The following ST8SIA5 variants were observed in gnomAD, a reference collection of about 807,000 sequenced individuals.
ST8SIA5 encodes ST8 alpha-N-acetyl-neuraminide alpha-2,8-sialyltransferase 5.
Under a neutral mutation model 40.2 loss-of-function variants are expected in ST8SIA5, and 24 were observed. That is an observed-to-expected ratio of 0.60 (90% CI 0.43 to 0.84). The LOEUF (loss-of-function observed/expected upper bound fraction) is 0.84, where lower values mean the gene tolerates loss of function less well. Ranked by LOEUF, ST8SIA5 falls within the 40% of genes least tolerant of loss-of-function variation. ST8SIA5 has a pLI of 0.00. For synonymous variants in ST8SIA5, 198 were observed against 201.8 expected, an observed-to-expected ratio of 0.98 and a Z score of 0.16; for missense variants, 465 against 498.5, an observed-to-expected ratio of 0.93 and a Z score of 0.64.
At chr18:46,702,162 A>AC (rs2039624628) in intron 2 of ST8SIA5, among the ~76,000 whole-genome samples, 2 of 151,246 alleles carry the variant, frequency 1.3e-5, no homozygotes, top group Non-Finnish European at 2.9e-5. Context: ...AAAAAAAAAA[A>AC]CAGAAATTAG....
intron 2 of ST8SIA5, among the ~76,000 whole-genome samples, chr18:46,695,839 C>A (rs1423216126): frequency 6.6e-6 from 1 of 152,222 alleles, no homozygotes; most frequent in African/African-American, 2.4e-5. Context: ...AATCAAGTCT[C>A]ACTATTTGTT....
intron 1 of ST8SIA5, among the ~76,000 whole-genome samples, chr18:46,726,045 A>C (rs2039926160): frequency 7.9e-6 from 1 of 127,112 alleles, no homozygotes; most frequent in South Asian, 2.6e-4. Context: ...ATATATATAT[A>C]TATCCAGGAA....
At chr18:46,751,940 C>T (rs758835167) in intron 1 of ST8SIA5, among the ~76,000 whole-genome samples, 2 of 152,140 alleles carry the variant, frequency 1.3e-5, no homozygotes, top group Non-Finnish European at 2.9e-5. Flanking sequence ...TGGGTAGCTC[C>T]ACGCACGAGG....
intron 1 of ST8SIA5, among the ~76,000 whole-genome samples, chr18:46,750,656 G>A (rs1417710169): frequency 6.6e-6 from 1 of 151,992 alleles, no homozygotes; most frequent in Non-Finnish European, 1.5e-5. Flanking sequence ...TGCCACAGTT[G>A]GCCACTCTCA....
At chr18:46,694,705 C>T (rs2039539251) in intron 2 of ST8SIA5, among the ~76,000 whole-genome samples, 1 of 152,080 alleles carries the variant, frequency 6.6e-6, no homozygotes, top group South Asian at 2.1e-4. Flanking sequence ...CCCTGGGGTC[C>T]ACTGAAGGGC....
At position 46,674,574 on chromosome 18, in the gene ST8SIA5, G is replaced by A. The variant is rs1350083986; in HGVS notation, c.*5468C>T. ...TACTGTAGTAAACATGTGTTGAGTG[G>A]CCATGGCATGTGCTTCCCCGCCAGT... On this transcript the variant is annotated 3_prime_UTR_variant, in exon 7 of 7. Transcript: ENST00000315087. The A allele has an allele frequency of 6.6e-6, 1 of 152,280 alleles. No individual in the cohort carries two copies. The highest frequency in any genetic ancestry group is 1.9e-4 in the East Asian group (1 of 5,202). 9.4% of individuals were successfully genotyped at this position (152,280 alleles called of 1,614,324 possible).
At chr18:46,722,665 C>T (rs1471030470) in intron 1 of ST8SIA5, among the ~76,000 whole-genome samples, 1 of 152,226 alleles carries the variant, frequency 6.6e-6, no homozygotes, top group Non-Finnish European at 1.5e-5. Flanking sequence ...TTATAGGATG[C>T]TGAGCAACAT....
At chr18:46,704,702 G>GCCCTGGACATCCTGACCTGCT in intron 1 of ST8SIA5, 38 bp from the exon 2 acceptor site, 1 of 1,566,614 alleles carries the variant, frequency 6.4e-7, no homozygotes, top group Non-Finnish European at 8.8e-7. Flanking sequence ...AGAGAAGCAG[G>GCCCTGGACATCCTGACCTGCT]TCAGGATGTC....
At chr18:46,720,376 T>C (rs1414222511) in intron 1 of ST8SIA5, among the ~76,000 whole-genome samples, 1 of 152,120 alleles carries the variant, frequency 6.6e-6, no homozygotes, top group Admixed American at 6.5e-5. Context: ...AAGGCCAGCA[T>C]AAGACCCTCC....
intron 1 of ST8SIA5, among the ~76,000 whole-genome samples, chr18:46,732,031 C>CGA (rs2039989622): frequency 6.6e-6 from 1 of 152,130 alleles, no homozygotes; most frequent in Non-Finnish European, 1.5e-5. Flanking sequence ...AGACAGGCCT[C>CGA]GGGTTGCCAC....
chr18:46,749,720 T>C (rs2040178002), intron 1 of ST8SIA5, among the ~76,000 whole-genome samples: 2 of 152,210 alleles, frequency 1.3e-5, no homozygotes. Context: ...TTTTAAATAG[T>C]TAAAAACTAT....
chr18:46,735,466 A>G (rs1437568328), intron 1 of ST8SIA5, among the ~76,000 whole-genome samples: 1 of 152,258 alleles, frequency 6.6e-6, no homozygotes, highest in Non-Finnish European at 1.5e-5. Flanking sequence ...TGGTAGCCAC[A>G]TTATAAAAAA....
At chr18:46,735,549 GAAA>G (rs2040025722) in intron 1 of ST8SIA5, among the ~76,000 whole-genome samples, 1 of 152,170 alleles carries the variant, frequency 6.6e-6, no homozygotes, top group Non-Finnish European at 1.5e-5. Flanking sequence ...CAAAATTGGT[GAAA>G]TGAGAATTGA....
At chr18:46,704,143 T>TA (rs2039645660) in intron 2 of ST8SIA5, among the ~76,000 whole-genome samples, 1 of 152,152 alleles carries the variant, frequency 6.6e-6, no homozygotes, top group African/African-American at 2.4e-5. Flanking sequence ...CTAAATAATT[T>TA]AAAAATCCAA....
chr18:46,741,690 C>G (rs902433598), intron 1 of ST8SIA5, among the ~76,000 whole-genome samples: 10 of 152,118 alleles, frequency 6.6e-5, no homozygotes, highest in African/African-American at 2.4e-4. Context: ...GCTGGGTTTA[C>G]CCCTAAAATT....
At chr18:46,742,038 G>T (rs1250867788) in intron 1 of ST8SIA5, among the ~76,000 whole-genome samples, 2 of 151,856 alleles carry the variant, frequency 1.3e-5, no homozygotes, top group East Asian at 3.9e-4. Context: ...GGAGGTGGAG[G>T]TTGCAGTGAG....
chr18:46,686,536 T>C (rs328116), intron 4 of ST8SIA5, among the ~76,000 whole-genome samples: 31,822 of 152,152 alleles, frequency 0.21, 3,857 homozygotes, highest in Middle Eastern at 0.28. Context: ...GCTTTCCTCC[T>C]GGCACACAGC....
chr18:46,754,888 C>T (rs1017620943), intron 1 of ST8SIA5, among the ~76,000 whole-genome samples: 5 of 152,252 alleles, frequency 3.3e-5, no homozygotes, highest in African/African-American at 1.2e-4. Context: ...GGCAATCGGC[C>T]TGCAGGGCCG....
intron 1 of ST8SIA5, among the ~76,000 whole-genome samples, chr18:46,742,463 T>C (rs1453188449): frequency 6.7e-6 from 1 of 150,110 alleles, no homozygotes; most frequent in Non-Finnish European, 1.5e-5. Context: ...TTCATAAAAA[T>C]GTAAAACTTT....
Sources: allele counts gnomAD v4.1 joint callset (sites outside exome capture counted in the v4.1 genomes callset), GRCh38; gene constraint gnomAD v4.1.1; transcripts MANE v1.5; gene names NCBI Gene and HGNC (gene_info 2026-07-23, HGNC 2026-07-21).